Variants in CFAP52 observed in about 807,000 individuals in gnomAD.
CFAP52 encodes cilia and flagella associated protein 52, also known as cilia- and flagella-associated protein 52.
A neutral mutation model predicts 70.5 loss-of-function variants in CFAP52; 57 were observed. The observed-to-expected ratio is 0.81, with a 90% CI of 0.65 to 1.01. CFAP52 has a LOEUF of 1.01. Among genes scored for constraint, CFAP52 ranks in the 50% least tolerant of loss-of-function variants. The probability of loss-of-function intolerance (pLI) is 0.00; values close to 1 mark genes in which losing one functional copy is unlikely to be tolerated. For synonymous variants in CFAP52, 267 were observed against 292.5 expected (o/e 0.91, Z 0.89); for missense variants, 785 against 788.5 (o/e 1.00, Z 0.05).
intron 1 of CFAP52, among the ~76,000 whole-genome samples, chr17:9,579,138 CA>C (rs1396014040): frequency 6.6e-6 from 1 of 151,848 alleles, no homozygotes; most frequent in East Asian, 1.9e-4. Flanking sequence ...TTTTAGTTTA[CA>C]AAAGTGATTG....
chr17:9,593,649 T>G (rs987116587), intron 3 of CFAP52, among the ~76,000 whole-genome samples: 1 of 152,066 alleles, frequency 6.6e-6, no homozygotes, highest in East Asian at 1.9e-4. Context: ...AAAGATGGGT[T>G]TTCACCATGT....
At chr17:9,608,259 C>A in intron 7 of CFAP52, 40 bp downstream of exon 7, 1 of 1,454,896 alleles carries the variant, frequency 6.9e-7, no homozygotes, top group Non-Finnish European at 9.2e-7. Context: ...GGGTAGAGAC[C>A]CACTAAACGG....
intron 11 of CFAP52, among the ~76,000 whole-genome samples, chr17:9,636,764 C>T (rs141662042): frequency 6.6e-6 from 1 of 152,118 alleles, no homozygotes; most frequent in Non-Finnish European, 1.5e-5. Context: ...ACACAAAGCA[C>T]TGCTGGGCGC....
intron 10 of CFAP52, among the ~76,000 whole-genome samples, chr17:9,635,069 C>G (rs1239046584): frequency 6.6e-6 from 1 of 152,108 alleles, no homozygotes; most frequent in African/African-American, 2.4e-5. Flanking sequence ...CAGTGATCAG[C>G]AAAAGTGAAT....
chr17:9,639,331 T>C (rs1910953492), intron 12 of CFAP52, among the ~76,000 whole-genome samples: 1 of 151,824 alleles, frequency 6.6e-6, no homozygotes, highest in Admixed American at 6.6e-5. Context: ...CTCAAGAGGC[T>C]GAGGCATGAG....
intron 6 of CFAP52, among the ~76,000 whole-genome samples, chr17:9,602,393 T>C (rs9909865): frequency 0.29 from 9,180 of 31,314 alleles, 434 homozygotes; most frequent in African/African-American, 0.32. Flanking sequence ...TCTGTTCCTG[T>C]TTTAGTTTGC....
rs528399580 is a variant in CFAP52 at position 9,605,779 on chromosome 17, G to T, written c.754-2340G>T. ...AGGAGTGAATGGGTAAAGCACAGAG[G>T]ATGTTTTGGGCAGTGAAACTATTCT... On this transcript the variant is annotated intron_variant, in intron 6 of 13. Coordinates refer to ENST00000352665, the MANE Select transcript of CFAP52 (RefSeq NM_145054.5). Among the ~76,000 whole-genome samples the T allele has an allele frequency of 2.0e-5, 3 of 150,480 alleles. No individual in the cohort carries two copies. In the Admixed American group the frequency reaches 2.0e-4, roughly 10 times the overall value.
At chr17:9,630,676 C>T (rs759545507) in intron 9 of CFAP52, among the ~76,000 whole-genome samples, 39 of 150,840 alleles carry the variant, frequency 2.6e-4, no homozygotes, top group Non-Finnish European at 4.3e-4. Context: ...GTGATCCGCC[C>T]GCCTCGGTCT....
chr17:9,586,629 G>A, intron 2 of CFAP52, 69 bp from the exon 3 acceptor site: 3 of 1,448,992 alleles, frequency 2.1e-6, no homozygotes, highest in Non-Finnish European at 1.8e-6. Context: ...TTTTCACCAA[G>A]AAGGGTAGCT....
At chr17:9,607,902 T>C (rs997776243) in intron 6 of CFAP52, among the ~76,000 whole-genome samples, 3 of 152,190 alleles carry the variant, frequency 2.0e-5, no homozygotes, top group African/African-American at 7.2e-5. Flanking sequence ...AGAACCTTCA[T>C]GAACATCCTC....
At chr17:9,634,900 C>A (rs1332808189) in intron 10 of CFAP52, among the ~76,000 whole-genome samples, 1 of 152,048 alleles carries the variant, frequency 6.6e-6, no homozygotes, top group East Asian at 1.9e-4. Context: ...GGATAATACA[C>A]AGGTATTTGG....
chr17:9,622,009 A>G (rs1201150894), intron 8 of CFAP52, among the ~76,000 whole-genome samples: 8 of 151,984 alleles, frequency 5.3e-5, no homozygotes, highest in Non-Finnish European at 2.9e-5. Context: ...TATAATAAAA[A>G]AATAAATAAA....
chr17:9,630,665 C>T (rs1375451677), intron 9 of CFAP52, among the ~76,000 whole-genome samples: 1 of 150,884 alleles, frequency 6.6e-6, no homozygotes, highest in Non-Finnish European at 1.5e-5. Flanking sequence ...CTCCTGACCT[C>T]GTGATCCGCC....
intron 6 of CFAP52, among the ~76,000 whole-genome samples, chr17:9,604,207 A>T (rs546061622): frequency 6.6e-6 from 1 of 152,334 alleles, no homozygotes; most frequent in South Asian, 2.1e-4. Flanking sequence ...GAAAGATAAA[A>T]TCCAGAAGAC....
rs919826487 is a variant in CFAP52 at position 9,598,422 on chromosome 17, C to A, written c.636+89C>A. ...GGTGTTTGTGTGTGTGTACATGGGG[C>A]TGGGGATAGGAAAGTGGGGTATAGA... On this transcript the variant is annotated intron_variant, in intron 5 of 13. Coordinates refer to ENST00000352665, the MANE Select transcript of CFAP52 (RefSeq NM_145054.5). 5.4e-6 allele frequency: 6 copies of A among 1,101,212 alleles called. No homozygotes were observed. In the African/African-American group the frequency reaches 6.3e-5, roughly 12 times the overall value. 68.2% of individuals were successfully genotyped at this position (1,101,212 alleles called of 1,614,324 possible).
rs1911172627 is a variant in CFAP52, at chr17:9,643,271, A to C, written c.*73A>C. The C allele has an allele frequency of 8.6e-6, 11 of 1,273,238 alleles. 1 individual carries two copies. The East Asian group carries it at 3.0e-4, about 35-fold the overall frequency. 78.9% of individuals were successfully genotyped at this position (1,273,238 alleles called of 1,614,324 possible). A position where few individuals can be genotyped will look rare whatever the true frequency, so the allele number is the denominator to read the frequency against. On this transcript the variant is annotated 3_prime_UTR_variant, in exon 14 of 14. Coordinates refer to ENST00000352665, the MANE Select transcript of CFAP52 (RefSeq NM_145054.5). Reference sequence around the variant, plus strand: ...AAGACTGAGTTTAGATAACTCCAACACTAGTCTTCATTTCTCACAGCTCTG... The same window carrying C: ...AAGACTGAGTTTAGATAACTCCAACCCTAGTCTTCATTTCTCACAGCTCTG...
intron 4 of CFAP52, among the ~76,000 whole-genome samples, chr17:9,596,970 T>C (rs1278361967): frequency 2.0e-5 from 3 of 152,010 alleles, no homozygotes; most frequent in Non-Finnish European, 4.4e-5. Context: ...CACCCACCTT[T>C]GCCTCCCAAA....
chr17:9,580,451 G>T (rs1908164183), intron 1 of CFAP52, among the ~76,000 whole-genome samples: 1 of 152,266 alleles, frequency 6.6e-6, no homozygotes, highest in South Asian at 2.1e-4. Flanking sequence ...ACTTTGGGAG[G>T]TTGAGGCAGG....
At position 9,600,181 on chromosome 17, in the gene CFAP52, T is replaced by C. The variant is rs371814923; in HGVS notation, c.751T>C (p.Leu251=). Residue 251 remains leucine (L), a splice_region_variant and synonymous_variant, in exon 6 of 14, where the codon TTG becomes CTG. Coordinates refer to ENST00000352665, the MANE Select transcript of CFAP52 (RefSeq NM_145054.5). ...TGGGCCTGCGAAGGACAAATTCAGT[T>C]TGGTGAGTAGAGACCATCGCCACTG... ...DVGPAKDKFS[L]GVSAIRCLKM... 53 of 1,613,474 alleles carry C rather than the reference T, an allele frequency of 3.3e-5. No individual in the cohort carries two copies. The highest frequency in any genetic ancestry group is 1.6e-4 in the Middle Eastern group (1 of 6,082).
Sources: gnomAD v4.1 joint callset for allele counts (sites outside exome capture counted in the v4.1 genomes callset) on GRCh38, gnomAD v4.1.1 for gene constraint, MANE v1.5 for transcripts, NCBI Gene and HGNC (gene_info 2026-07-23, HGNC 2026-07-21) for gene names.